SUPT7L: variants seen among roughly 807,000 people sequenced by gnomAD.
SUPT7L encodes the protein STAGA complex 65 subunit gamma.
Under a neutral mutation model 35.7 loss-of-function variants are expected in SUPT7L, and 15 were observed. The observed-to-expected ratio is 0.42, with a 90% CI of 0.28 to 0.65. The LOEUF (loss-of-function observed/expected upper bound fraction) is 0.65. Ranked by LOEUF, SUPT7L falls within the 30% of genes least tolerant of loss-of-function variation. The pLI is 0.23. For missense variants in SUPT7L, 434 were observed against 522.2 expected (o/e 0.83, Z 1.65); for synonymous variants, 168 against 186.2 (o/e 0.90, Z 0.79).
chr2:27,662,666 C>T (rs1675170239), intron 1 of SUPT7L, among the ~76,000 whole-genome samples: 1 of 152,184 alleles, frequency 6.6e-6, no homozygotes, highest in South Asian at 2.1e-4. Context: ...GTACTTATCG[C>T]AATAGATTTT....
At chr2:27,647,156 G>T (rs1470679578), downstream of SUPT7L, among the ~76,000 whole-genome samples, 1 of 152,136 alleles carries the variant, frequency 6.6e-6, no homozygotes, top group Non-Finnish European at 1.5e-5. Flanking sequence ...TGATGTTGCT[G>T]TCTCTGGCCA....
chr2:27,661,051 A>C lies in SUPT7L; in HGVS notation c.352T>G (p.Leu118Val). The C allele has an allele frequency of 6.2e-7, 1 of 1,614,148 alleles. No homozygotes were observed. Among genetic ancestry groups the C allele is most frequent in the Non-Finnish European group, 8.5e-7 (1 of 1,180,014 alleles). The change falls in exon 3 of 6, where the codon TTA becomes GTA. Residue 118 changes from leucine (L) to valine (V), a missense_variant. This residue lies in a region of SUPT7L where 198 missense variants were observed against 190.8 expected (regional missense o/e 1.04). Transcript: ENST00000337768. ...SPPLPDDLLP[L>V]DCKNPNAPFQ... ...GGTGCATTGGGATTCTTACAATCTA[A>C]AGGCAGGAGGTCATCAGGGAGAGGA...
At chr2:27,644,130 G>A in the SUPT7L span, among the ~76,000 whole-genome samples, 8 of 152,120 alleles carry the variant, frequency 5.3e-5, no homozygotes, top group East Asian at 1.4e-3. Flanking sequence ...AGCAAAGATC[G>A]CGCCACTGCA....
intron 2 of SUPT7L, chr2:27,661,788 G>A (rs1572982805): frequency 1.2e-5 from 5 of 423,888 alleles, no homozygotes; most frequent in South Asian, 2.8e-5. Context: ...CTACCATCAC[G>A]CTCAATCCTG....
chr2:27,662,297 G>T lies in SUPT7L; in HGVS notation c.-89-16C>A. 8.1e-7 allele frequency: 1 copy of T among 1,236,046 alleles called. No homozygotes were observed. The highest frequency in any genetic ancestry group is 1.2e-6 in the Non-Finnish European group (1 of 838,600). The allele number at this position is 1,236,046 out of a possible 1,614,324, so 76.6% of individuals were successfully genotyped here. A position where few individuals can be genotyped will look rare whatever the true frequency, so the allele number is the denominator to read the frequency against. On this transcript the variant is annotated splice_polypyrimidine_tract_variant and intron_variant, in intron 1 of 5. Transcript: ENST00000337768. Reference sequence around the variant, plus strand: ...GATCCTTGCCCTGAAGTGAGGAAGAGAAACAGAAGCAGAATATTTCAATAT... The same window carrying T: ...GATCCTTGCCCTGAAGTGAGGAAGATAAACAGAAGCAGAATATTTCAATAT...
At chr2:27,643,802 G>A in the SUPT7L span, among the ~76,000 whole-genome samples, 9 of 152,182 alleles carry the variant, frequency 5.9e-5, no homozygotes, top group East Asian at 1.9e-4. This position sits in a 1 kb window ranked among gnomAD's most constrained non-coding sequence, Gnocchi z 4.0. Context: ...TGGGAGGCAC[G>A]TGATGTTGAT....
At chr2:27,649,902 G>A (rs114346643), downstream of SUPT7L, among the ~76,000 whole-genome samples, 652 of 152,260 alleles carry the variant, frequency 4.3e-3, 7 homozygotes, top group South Asian at 0.043. Flanking sequence ...CCTTATTTTA[G>A]CTACTATGAG....
At chr2:27,659,564 A>G (rs1367487741) in intron 3 of SUPT7L, among the ~76,000 whole-genome samples, 2 of 152,214 alleles carry the variant, frequency 1.3e-5, no homozygotes, top group Non-Finnish European at 2.9e-5. Context: ...GACATTTACA[A>G]AAGATATTTT....
intron 5 of SUPT7L, 61 bp downstream of exon 5, chr2:27,655,304 C>G (rs185570248): frequency 5.0e-4 from 736 of 1,468,488 alleles, no homozygotes; most frequent in Middle Eastern, 2.9e-3. Context: ...TTCCAAAAAG[C>G]AAAAAGTACT....
chr2:27,661,035 G>A lies in SUPT7L; in HGVS notation c.368C>T (p.Pro123Leu). ...GTGCCGGATCTGGAATGGTGCATTGGGATTCTTACAATCTAAAGGCAGGAG... is the reference window on the plus strand; with the variant it reads ...GTGCCGGATCTGGAATGGTGCATTGAGATTCTTACAATCTAAAGGCAGGAG... ...DDLLPLDCKNPNAPFQIRHSD... is the reference protein window; with the variant it reads ...DDLLPLDCKNLNAPFQIRHSD... The change falls in exon 3 of 6, where the codon CCC becomes CTC. Residue 123 changes from proline (P) to leucine (L), a missense_variant. Physicochemically the swap from Pro to Leu is moderately conservative, Grantham distance 98. Coordinates refer to ENST00000337768, the MANE Select transcript of SUPT7L (RefSeq NM_014860.3). 1 of 1,614,152 alleles carries A rather than the reference G, an allele frequency of 6.2e-7. No individual in the cohort carries two copies. Among genetic ancestry groups the A allele is most frequent in the African/African-American group, 1.3e-5 (1 of 75,004 alleles).
the SUPT7L span, among the ~76,000 whole-genome samples, chr2:27,645,266 C>T: frequency 9.2e-5 from 14 of 152,258 alleles, 1 homozygote; most frequent in South Asian, 2.9e-3. Flanking sequence ...CCACCATCCC[C>T]AGCCCATTTT....
chr2:27,646,546 A>G (rs530011895), downstream of SUPT7L, among the ~76,000 whole-genome samples: 2 of 152,164 alleles, frequency 1.3e-5, no homozygotes, highest in South Asian at 4.2e-4. Flanking sequence ...TTTTTAGGTT[A>G]GTTTTCATTT....
At chr2:27,659,499 A>G (rs940048006) in intron 3 of SUPT7L, among the ~76,000 whole-genome samples, 2 of 152,264 alleles carry the variant, frequency 1.3e-5, no homozygotes, top group Admixed American at 6.5e-5. Context: ...CTAAAGAGGC[A>G]TAACAACCAG....
At chr2:27,646,793 A>C (rs964125582), downstream of SUPT7L, among the ~76,000 whole-genome samples, 6 of 152,064 alleles carry the variant, frequency 3.9e-5, no homozygotes, top group Non-Finnish European at 8.8e-5. Context: ...TGTTCATGAA[A>C]GTTATTGCTC....
intron 5 of SUPT7L, among the ~76,000 whole-genome samples, chr2:27,654,374 C>T (rs1195032250): frequency 6.6e-6 from 1 of 152,150 alleles, no homozygotes; most frequent in Non-Finnish European, 1.5e-5. Context: ...AAAAGTATGA[C>T]CTAATTCCAT....
chr2:27,644,130 G>C, the SUPT7L span, among the ~76,000 whole-genome samples: 1 of 152,120 alleles, frequency 6.6e-6, no homozygotes, highest in Non-Finnish European at 1.5e-5. Flanking sequence ...AGCAAAGATC[G>C]CGCCACTGCA....
chr2:27,661,288 G>T lies in SUPT7L; in HGVS notation c.115C>A (p.Leu39Met). Residue 39 changes from leucine (L) to methionine (M), a missense_variant, in exon 3 of 6, where the codon CTG becomes ATG. Physicochemically the swap from Leu to Met is conservative, Grantham distance 15 (BLOSUM62 2). Transcript: ENST00000337768. ...GGCTTGTTGGCTGAGGGTTGGTGCA[G>T]GGGTGGGTCATGGACTTCCACCAGA... ...FRLVEVHDPP[L>M]HQPSANKPKP... The T allele has an allele frequency of 5.0e-6, 8 of 1,613,856 alleles. No homozygotes were observed. The highest frequency in any genetic ancestry group is 5.9e-6 in the Non-Finnish European group (7 of 1,179,860).
chr2:27,650,674 C>T (rs1674485813), downstream of SUPT7L: 1 of 153,800 alleles, frequency 6.5e-6, no homozygotes, highest in South Asian at 2.0e-4. Context: ...ATGAGCTTAT[C>T]CAGAACGGTG....
chr2:27,647,125 C>G (rs1200282227), downstream of SUPT7L, among the ~76,000 whole-genome samples: 2 of 152,144 alleles, frequency 1.3e-5, no homozygotes, highest in Non-Finnish European at 2.9e-5. Flanking sequence ...GGCCCACAGG[C>G]CCCTTGAGAT....
Sources: gnomAD v4.1 joint callset for allele counts (sites outside exome capture counted in the v4.1 genomes callset) on GRCh38, gnomAD v4.1.1 for gene constraint, gnomAD v4.1.1 regional missense constraint, Gnocchi (gnomAD v3.1) non-coding constraint, MANE v1.5 for transcripts, NCBI Gene and HGNC (gene_info 2026-07-23, HGNC 2026-07-21) for gene names.